DMD: variants seen among roughly 807,000 people sequenced by gnomAD.
DMD encodes the protein mutant dystrophin.
Under a neutral mutation model 330.1 loss-of-function variants are expected in DMD, and 63 were observed. That is an observed-to-expected ratio of 0.19 (90% CI 0.16 to 0.24). The LOEUF is 0.24. Among genes scored for constraint, DMD ranks in the 10% least tolerant of loss-of-function variants. DMD has a pLI of 1.00. For synonymous variants in DMD, 1,223 were observed against 959.8 expected, an observed-to-expected ratio of 1.27 and a Z score of -5.07; for missense variants, 3,344 against 2,684.1, an observed-to-expected ratio of 1.25 and a Z score of -5.43.
At chrX:32,879,196 T>C (rs1278448748) in intron 2 of DMD, among the ~76,000 whole-genome samples, 1 of 110,882 alleles carries the variant, frequency 9.0e-6, no homozygotes, top group African/African-American at 3.3e-5. Flanking sequence ...ACTATCTTCC[T>C]TTTGGTAAAA....
intron 44 of DMD, among the ~76,000 whole-genome samples, chrX:32,045,034 T>C (rs1025136371): frequency 1.8e-5 from 2 of 110,471 alleles, no homozygotes; most frequent in Admixed American, 9.7e-5. Flanking sequence ...AGATCCCTCA[T>C]GGTTTTGTAT....
At chrX:31,381,365 GCCA>G (rs1400957738) in intron 60 of DMD, among the ~76,000 whole-genome samples, 2 of 111,619 alleles carry the variant, frequency 1.8e-5, no homozygotes, top group African/African-American at 6.5e-5. Flanking sequence ...TGCGGCAGCC[GCCA>G]CCACCCTAAT....
At chrX:31,170,547 C>T (rs916911807) in intron 73 of DMD, among the ~76,000 whole-genome samples, 27 of 111,426 alleles carry the variant, frequency 2.4e-4, no homozygotes, top group Non-Finnish European at 4.3e-4. Flanking sequence ...TAAGATGATA[C>T]GCTAATATTC....
At position 31,757,725 on chromosome X, in the gene DMD, A is replaced by C. The variant is rs765877359; in HGVS notation, c.7542+16235T>G. 9.8e-4 allele frequency among the ~76,000 whole-genome samples: 108 copies of C among 110,272 alleles called. 1 individual carries two copies. The highest frequency in any genetic ancestry group is 3.5e-3 in the African/African-American group (107 of 30,353). Reference sequence around the variant, plus strand: ...CACCCCCCCAAACCCCCACCTTCTAATACCATCACCTTGAGTGTTAGGTTT... The same window carrying C: ...CACCCCCCCAAACCCCCACCTTCTACTACCATCACCTTGAGTGTTAGGTTT... On this transcript the variant is annotated intron_variant, in intron 51 of 78. Coordinates refer to ENST00000357033, the MANE Select transcript of DMD (RefSeq NM_004006.3).
chrX:31,769,182 T>C (rs1041020439), intron 51 of DMD, among the ~76,000 whole-genome samples: 1 of 111,945 alleles, frequency 8.9e-6, no homozygotes, highest in Non-Finnish European at 1.9e-5. Context: ...CTGTGGCAAA[T>C]ATTTCAATTA....
At chrX:32,575,469 A>T (rs2052930529) in intron 13 of DMD, among the ~76,000 whole-genome samples, 1 of 112,342 alleles carries the variant, frequency 8.9e-6, no homozygotes, top group South Asian at 3.7e-4. Flanking sequence ...TTATGTTTAC[A>T]ATAAAAGCCA....
chrX:32,592,375 T>C (rs1451232401), intron 13 of DMD, among the ~76,000 whole-genome samples: 3 of 110,988 alleles, frequency 2.7e-5, no homozygotes, highest in Admixed American at 1.9e-4. Context: ...ACATTGGGAC[T>C]ACCAGCCGCA....
At chrX:31,475,184 T>C (rs2067658648) in intron 59 of DMD, among the ~76,000 whole-genome samples, 1 of 111,636 alleles carries the variant, frequency 9.0e-6, no homozygotes, top group South Asian at 3.7e-4. Context: ...GGGTTATAAA[T>C]ATAATTTTTC....
intron 2 of DMD, among the ~76,000 whole-genome samples, chrX:32,923,931 G>C (rs1485364067): frequency 9.0e-6 from 1 of 111,572 alleles, no homozygotes; most frequent in Non-Finnish European, 1.9e-5. Context: ...AAGCTTTCCA[G>C]AATTATGTTT....
intron 55 of DMD, among the ~76,000 whole-genome samples, chrX:31,520,160 C>T (rs1369145727): frequency 1.8e-5 from 2 of 112,032 alleles, no homozygotes; most frequent in Admixed American, 9.4e-5. Flanking sequence ...TTTCCTCATT[C>T]TTAGAACCCA....
At chrX:32,949,001 A>AT (rs2091011667) in intron 2 of DMD, among the ~76,000 whole-genome samples, 2 of 111,328 alleles carry the variant, frequency 1.8e-5, no homozygotes, top group Admixed American at 1.9e-4. Context: ...TTTAACATCA[A>AT]AAACATTTTC....
intron 2 of DMD, among the ~76,000 whole-genome samples, chrX:32,970,656 G>A (rs775541760): frequency 3.3e-5 from 3 of 91,671 alleles, no homozygotes; most frequent in African/African-American, 1.5e-4. Context: ...TAATGATAAT[G>A]ATAATGATAA....
chrX:31,548,460 T>C (rs2074279139), intron 55 of DMD, among the ~76,000 whole-genome samples: 1 of 111,865 alleles, frequency 8.9e-6, no homozygotes, highest in Non-Finnish European at 1.9e-5. Flanking sequence ...GAAAAAAAAT[T>C]AGGAGAGGAA....
intron 47 of DMD, among the ~76,000 whole-genome samples, chrX:31,897,891 G>A (rs1342425421): frequency 9.0e-6 from 1 of 110,566 alleles, no homozygotes. Context: ...CACTCTGATG[G>A]TAGTTTCTTT....
chrX:32,362,762 T>A (rs1348251166), intron 37 of DMD, 26 bp downstream of exon 37: 5 of 1,207,559 alleles, frequency 4.1e-6, no homozygotes, highest in Non-Finnish European at 5.6e-6. Context: ...TAGCACAAGT[T>A]TCCACCTTGG....
chrX:32,078,539 G>T (rs116397635), intron 44 of DMD, among the ~76,000 whole-genome samples: 111 of 112,274 alleles, frequency 9.9e-4, no homozygotes, highest in African/African-American at 3.5e-3. Flanking sequence ...GCTGGCCATT[G>T]CCTACTTCTC....
At chrX:33,122,013 G>A (rs2148490514) in intron 1 of DMD, among the ~76,000 whole-genome samples, 1 of 112,028 alleles carries the variant, frequency 8.9e-6, no homozygotes, top group African/African-American at 3.2e-5. Flanking sequence ...ATCACTTGAG[G>A]TCAGGAGTTC....
At chrX:31,455,518 T>C (rs1178868554) in intron 59 of DMD, among the ~76,000 whole-genome samples, 1 of 112,112 alleles carries the variant, frequency 8.9e-6, no homozygotes, top group Admixed American at 9.4e-5. Context: ...TTCAGACCAA[T>C]AGCTATTGTC....
At chrX:33,301,665 C>T (rs2053664222) in intron 1 of DMD, among the ~76,000 whole-genome samples, 1 of 111,606 alleles carries the variant, frequency 9.0e-6, no homozygotes, top group Non-Finnish European at 1.9e-5. Flanking sequence ...AAGATGATGC[C>T]TTGAACGTTG....
Sources: allele counts gnomAD v4.1 joint callset (sites outside exome capture counted in the v4.1 genomes callset), GRCh38; gene constraint gnomAD v4.1.1; transcripts MANE v1.5; gene names NCBI Gene and HGNC (gene_info 2026-07-23, HGNC 2026-07-21).